Variants in NSMCE2 observed in about 807,000 individuals in gnomAD.
NSMCE2 encodes the protein NSE2 SUMO ligase component of SMC5/6 complex.
NSMCE2 carries 24 observed loss-of-function variants against 23.8 expected under a neutral mutation model. The observed-to-expected ratio is 1.01, with a 90% confidence interval of 0.73 to 1.42. NSMCE2 has a LOEUF of 1.42. Among genes scored for constraint, NSMCE2 ranks in the 40% most tolerant of loss-of-function variants. NSMCE2 has a pLI of 0.00. For synonymous variants in NSMCE2, 92 were observed against 94.1 expected (o/e 0.98, Z 0.13); for missense variants, 284 against 296.5 (o/e 0.96, Z 0.31).
At chr8:125,221,340 C>T (rs1824852803) in intron 5 of NSMCE2, among the ~76,000 whole-genome samples, 1 of 152,218 alleles carries the variant, frequency 6.6e-6, no homozygotes, top group Admixed American at 6.5e-5. Flanking sequence ...CAACTTCCCT[C>T]ACTCAGGTGA....
chr8:125,329,739 C>T (rs185015004), intron 5 of NSMCE2, among the ~76,000 whole-genome samples: 1 of 152,294 alleles, frequency 6.6e-6, no homozygotes, highest in Non-Finnish European at 1.5e-5. Context: ...CAGTTTACCT[C>T]TCTGGACCTC....
intron 5 of NSMCE2, among the ~76,000 whole-genome samples, chr8:125,209,588 A>G (rs1316216421): frequency 1.3e-5 from 2 of 152,234 alleles, no homozygotes; most frequent in Admixed American, 1.3e-4. Flanking sequence ...AATAGAATAT[A>G]GGAATCATGA....
chr8:125,346,702 T>C (rs989251031), intron 5 of NSMCE2, among the ~76,000 whole-genome samples: 6 of 152,212 alleles, frequency 3.9e-5, no homozygotes, highest in Non-Finnish European at 7.3e-5. Context: ...TTTGGGAGTA[T>C]TTCCAGTATT....
At chr8:125,260,856 TC>T (rs1375224941) in intron 5 of NSMCE2, among the ~76,000 whole-genome samples, 1 of 152,024 alleles carries the variant, frequency 6.6e-6, no homozygotes, top group Non-Finnish European at 1.5e-5. Context: ...ACTCCTGACC[TC>T]AGGTGATCCA....
chr8:125,129,572 G>GTGTGTGTGTC (rs1554605731), intron 3 of NSMCE2, among the ~76,000 whole-genome samples: 9 of 151,752 alleles, frequency 5.9e-5, no homozygotes, highest in African/African-American at 2.2e-4. Context: ...GTGTGTGTGT[G>GTGTGTGTGTC]TGTGTGTCTG....
intron 3 of NSMCE2, among the ~76,000 whole-genome samples, chr8:125,149,198 A>C (rs1236210909): frequency 6.6e-6 from 1 of 152,118 alleles, no homozygotes; most frequent in Non-Finnish European, 1.5e-5. Context: ...CTGACCCCCT[A>C]ACTTACATTG....
chr8:125,254,179 C>CTAA (rs1826314200), intron 5 of NSMCE2, among the ~76,000 whole-genome samples: 1 of 152,134 alleles, frequency 6.6e-6, no homozygotes, highest in African/African-American at 2.4e-5. Flanking sequence ...AATTCAAACT[C>CTAA]TAATATCTCT....
intron 1 of NSMCE2, among the ~76,000 whole-genome samples, chr8:125,092,930 G>A (rs563804145): frequency 1.3e-5 from 2 of 152,270 alleles, no homozygotes; most frequent in South Asian, 2.1e-4. Flanking sequence ...TGTTTTGTAG[G>A]ATGCTTAAGA....
intron 5 of NSMCE2, among the ~76,000 whole-genome samples, chr8:125,280,875 A>C (rs1827663087): frequency 6.6e-6 from 1 of 152,218 alleles, no homozygotes; most frequent in Admixed American, 6.5e-5. Flanking sequence ...CTGTAACTAT[A>C]TTTGGATTGA....
intron 5 of NSMCE2, among the ~76,000 whole-genome samples, chr8:125,228,028 A>T (rs766324497): frequency 6.6e-6 from 1 of 152,148 alleles, no homozygotes; most frequent in Non-Finnish European, 1.5e-5. Context: ...CTTTCAGTGG[A>T]TAGCAGTTGA....
intron 5 of NSMCE2, among the ~76,000 whole-genome samples, chr8:125,248,859 A>C (rs2131004611): frequency 6.6e-6 from 1 of 152,318 alleles, no homozygotes; most frequent in South Asian, 2.1e-4. Flanking sequence ...GCCCTAGGGC[A>C]CTCAGGTATA....
intron 5 of NSMCE2, among the ~76,000 whole-genome samples, chr8:125,336,585 ATAC>A (rs1401600248): frequency 6.6e-6 from 1 of 152,214 alleles, no homozygotes; most frequent in Non-Finnish European, 1.5e-5. Flanking sequence ...TTGTTGGGTG[ATAC>A]TGCTGCAGAG....
intron 5 of NSMCE2, among the ~76,000 whole-genome samples, chr8:125,287,778 G>A (rs985875724): frequency 1.3e-5 from 2 of 152,026 alleles, no homozygotes; most frequent in African/African-American, 4.8e-5. Context: ...CTTAACATTG[G>A]CAGCCCGATC....
At chr8:125,100,654 C>T (rs1405156144) in intron 1 of NSMCE2, among the ~76,000 whole-genome samples, 1 of 152,148 alleles carries the variant, frequency 6.6e-6, no homozygotes, top group Non-Finnish European at 1.5e-5. Context: ...CTCCGCCTCC[C>T]AGGTTCAAAC....
intron 3 of NSMCE2, among the ~76,000 whole-genome samples, chr8:125,138,618 C>T (rs547187802): frequency 6.6e-6 from 1 of 152,226 alleles, no homozygotes; most frequent in African/African-American, 2.4e-5. Context: ...CGTTGTTTAA[C>T]TTATGGCTGT....
At chr8:125,126,596 T>C (rs1335663234) in intron 3 of NSMCE2, among the ~76,000 whole-genome samples, 8 of 152,204 alleles carry the variant, frequency 5.3e-5, no homozygotes, top group Non-Finnish European at 7.3e-5. Flanking sequence ...TCCTATTTGC[T>C]GCTGGATTCC....
chr8:125,287,670 A>G (rs1183037113), intron 5 of NSMCE2, among the ~76,000 whole-genome samples: 1 of 152,166 alleles, frequency 6.6e-6, no homozygotes, highest in Non-Finnish European at 1.5e-5. Context: ...GAGGAGAGAG[A>G]GATTGTCCCG....
At chr8:125,305,945 T>C (rs1388502108) in intron 5 of NSMCE2, among the ~76,000 whole-genome samples, 1 of 152,156 alleles carries the variant, frequency 6.6e-6, no homozygotes, top group Non-Finnish European at 1.5e-5. Flanking sequence ...TTTAGGGTGC[T>C]GTTACAGGAT....
At chr8:125,205,646 C>T (rs1196650036) in intron 5 of NSMCE2, among the ~76,000 whole-genome samples, 2 of 152,160 alleles carry the variant, frequency 1.3e-5, no homozygotes, top group South Asian at 2.1e-4. Context: ...TGAGAAGCAG[C>T]GAGCTATTCT....
Sources: allele counts gnomAD v4.1 joint callset (sites outside exome capture counted in the v4.1 genomes callset), GRCh38; gene constraint gnomAD v4.1.1; transcripts MANE v1.5; gene names NCBI Gene and HGNC (gene_info 2026-07-23, HGNC 2026-07-21).